The following NFX1 variants were observed in gnomAD, a reference collection of about 807,000 sequenced individuals.
The protein encoded by NFX1 is nuclear transcription factor, X-box binding 1.
NFX1 carries 69 observed loss-of-function variants against 137.2 expected under a neutral mutation model. The ratio of observed to expected loss-of-function variants is 0.50; its 90% CI spans 0.41 to 0.61. The LOEUF (loss-of-function observed/expected upper bound fraction) is 0.61, where lower values mean the gene tolerates loss of function less well. NFX1 is among the 20% of genes least tolerant of loss of function. The probability of loss-of-function intolerance (pLI) is 0.00; values close to 1 mark genes in which losing one functional copy is unlikely to be tolerated. For missense variants in NFX1, 1,167 were observed against 1,391.0 expected, an observed-to-expected ratio of 0.84 and a Z score of 2.56; for synonymous variants, 495 against 474.1, an observed-to-expected ratio of 1.04 and a Z score of -0.57.
intron 19 of NFX1, among the ~76,000 whole-genome samples, chr9:33,358,404 A>G (rs1206532595): frequency 1.3e-5 from 2 of 152,200 alleles, no homozygotes; most frequent in East Asian, 1.9e-4. Context: ...GATTACAGGC[A>G]TGAGCCACTG....
chr9:33,318,208 G>A (rs1323588935), intron 7 of NFX1, among the ~76,000 whole-genome samples: 1 of 151,784 alleles, frequency 6.6e-6, no homozygotes, highest in African/African-American at 2.4e-5. Context: ...TTGGCAACGG[G>A]GACCTTTTTA....
At position 33,295,086 on chromosome 9, in the gene NFX1, A is replaced by G. The variant is rs777376611; in HGVS notation, c.692A>G (p.Tyr231Cys). 4 of 1,614,174 alleles carry G rather than the reference A, an allele frequency of 2.5e-6. No individual in the cohort carries two copies. Among genetic ancestry groups the G allele is most frequent in the Non-Finnish European group, 3.4e-6 (4 of 1,180,024 alleles). ...TCTAGAAAAGGAGTATTGGATGGGTATGGAGCCAGACGAAATGAGCAGAGA... is the reference window on the plus strand; with the variant it reads ...TCTAGAAAAGGAGTATTGGATGGGTGTGGAGCCAGACGAAATGAGCAGAGA... ...ASSRKGVLDG[Y>C]GARRNEQRRY... The change falls in exon 2 of 24, where the codon TAT becomes TGT. Residue 231 changes from tyrosine (Y) to cysteine (C), a missense_variant. By Grantham distance (194) the Tyr-to-Cys change is radical (BLOSUM62 -2). Transcript: ENST00000379540.
At chr9:33,307,042 C>G in intron 4 of NFX1, 152 bp from the exon 5 acceptor site, 1 of 508,056 alleles carries the variant, frequency 2.0e-6, no homozygotes, top group East Asian at 3.2e-5. Flanking sequence ...TTATATTTAT[C>G]TTTTTATTTT....
At position 33,328,640 on chromosome 9, in the gene NFX1, A is replaced by C; in HGVS notation, c.1966A>C (p.Thr656Pro). Reference sequence around the variant, plus strand: ...AGGAGACTGTGGACCATGCTCTCGCACATCAGTTATTTCCTGCAGATGCTC... The same window carrying C: ...AGGAGACTGTGGACCATGCTCTCGCCCATCAGTTATTTCCTGCAGATGCTC... ...HEGDCGPCSR[T>P]SVISCRCSFR... is the part of the protein sequence containing the mutation. Residue 656 changes from threonine (T) to proline (P), a missense_variant, in exon 10 of 24, where the codon ACA becomes CCA. Physicochemically the swap from Thr to Pro is conservative, Grantham distance 38 (BLOSUM62 -1). Coordinates refer to ENST00000379540, the MANE Select transcript of NFX1 (RefSeq NM_002504.6). The C allele has an allele frequency of 6.2e-7, 1 of 1,612,420 alleles. No homozygotes were observed. The highest frequency in any genetic ancestry group is 8.5e-7 in the Non-Finnish European group (1 of 1,178,614).
intron 11 of NFX1, among the ~76,000 whole-genome samples, chr9:33,333,668 C>T (rs1822894468): frequency 6.6e-6 from 1 of 152,214 alleles, no homozygotes; most frequent in African/African-American, 2.4e-5. Flanking sequence ...AGGTACACAA[C>T]ATCCACCCCT....
chr9:33,354,174 G>A lies in NFX1; in HGVS notation c.2818G>A (p.Val940Ile). ...CAGCAAGTTAATTACCAAAAAGGAA[G>A]TTCATCAAGCCAGGTAATTTTTAAA... is the stretch of plus-strand genomic sequence containing the variant. ...EISKLITKKE[V>I]HQARLECDEE... is the part of the protein sequence containing the mutation. The change falls in exon 18 of 24, where the codon GTT (valine) becomes ATT (isoleucine). Residue 940 changes from valine (V) to isoleucine (I), a missense_variant. Around this residue, in one of 3 missense-constraint regions of NFX1, gnomAD observed 312 missense variants for 312.8 expected, o/e 1.00. Coordinates refer to ENST00000379540, the MANE Select transcript of NFX1 (RefSeq NM_002504.6). 7 of 1,612,552 alleles carry A rather than the reference G, an allele frequency of 4.3e-6. No individual in the cohort carries two copies. The highest frequency in any genetic ancestry group is 5.9e-6 in the Non-Finnish European group (7 of 1,179,506).
intron 18 of NFX1, among the ~76,000 whole-genome samples, 186 bp downstream of exon 18, chr9:33,354,373 A>C (rs1226763477): frequency 6.6e-6 from 1 of 152,242 alleles, no homozygotes; most frequent in Non-Finnish European, 1.5e-5. Context: ...GATGGCTAAG[A>C]CTAAAGGAGA....
chr9:33,367,972 G>A (rs569145311), intron 23 of NFX1, among the ~76,000 whole-genome samples: 64 of 152,300 alleles, frequency 4.2e-4, no homozygotes, highest in African/African-American at 1.4e-3. Context: ...GGTGGCTCAC[G>A]CCTGTAATCC....
chr9:33,323,895 TTAAA>T (rs1822480436), intron 9 of NFX1, among the ~76,000 whole-genome samples: 1 of 152,110 alleles, frequency 6.6e-6, no homozygotes, highest in African/African-American at 2.4e-5. Context: ...GAAACTAGTT[TTAAA>T]AGAGGCCCAA....
Position 33,370,270 on chromosome 9 carries a change from T to A in NFX1, c.*292T>A, listed in dbSNP as rs550188421. The A allele has an allele frequency of 2.7e-4, 69 of 255,890 alleles. No individual in the cohort carries two copies. The highest frequency in any genetic ancestry group is 4.4e-4 in the Non-Finnish European group (60 of 136,870). The allele number at this position is 255,890 out of a possible 1,614,324, so 15.9% of individuals were successfully genotyped here. A position where few individuals can be genotyped will look rare whatever the true frequency, so the allele number is the denominator to read the frequency against. On this transcript the variant is annotated 3_prime_UTR_variant, in exon 24 of 24. Coordinates refer to ENST00000379540, the MANE Select transcript of NFX1 (RefSeq NM_002504.6). Reference sequence around the variant, plus strand: ...GATTGCTCTGAGAGTTGAGGGACTATTGGGCTTTATTTGGACAAACCAAAC... The same window carrying A: ...GATTGCTCTGAGAGTTGAGGGACTAATGGGCTTTATTTGGACAAACCAAAC...
At chr9:33,352,976 C>T in intron 17 of NFX1, 1 of 359,744 alleles carries the variant, frequency 2.8e-6, no homozygotes, top group Non-Finnish European at 5.1e-6. Flanking sequence ...CCCTGTTTCC[C>T]AGGCTGGTCT....
chr9:33,367,440 C>T (rs1824200259), intron 22 of NFX1, 75 bp from the exon 23 acceptor site: 3 of 1,488,986 alleles, frequency 2.0e-6, no homozygotes, highest in African/African-American at 2.8e-5. Context: ...AAATCAAGGG[C>T]TGAGTTTCTA....
chr9:33,328,432 A>T, intron 9 of NFX1, 149 bp from the exon 10 acceptor site: 1 of 597,666 alleles, frequency 1.7e-6, no homozygotes, highest in Non-Finnish European at 3.0e-6. Context: ...AAGGGAAGAT[A>T]GGGAAGAAGC....
At chr9:33,369,716 C>G (rs936875130) in intron 23 of NFX1, among the ~76,000 whole-genome samples, 190 bp from the exon 24 acceptor site, 8 of 151,998 alleles carry the variant, frequency 5.3e-5, no homozygotes, top group African/African-American at 1.9e-4. Flanking sequence ...ATATGTAAAT[C>G]TAGAAGGAAA....
chr9:33,322,087 G>A (rs761569890), intron 9 of NFX1, among the ~76,000 whole-genome samples: 32 of 151,578 alleles, frequency 2.1e-4, no homozygotes, highest in Non-Finnish European at 4.0e-4. Flanking sequence ...TGCAATCCCA[G>A]CTACTCGGGA....
At chr9:33,310,232 C>T (rs900844837) in intron 5 of NFX1, among the ~76,000 whole-genome samples, 3 of 152,098 alleles carry the variant, frequency 2.0e-5, no homozygotes, top group Non-Finnish European at 4.4e-5. Context: ...AATTCTGTTA[C>T]CCATCTGATT....
rs752836665 is a variant in NFX1 at position 33,351,718 on chromosome 9, T to C, written c.2583T>C (p.Ala861=). ...AGCAGCCCTGCACCACCCCCAGAGC[T>C]GACTGTGGTCACCCGTGTATGGCAC... ...PCKQPCTTPR[A]DCGHPCMAPC... is the part of the protein sequence containing the mutation. Residue 861 remains alanine (A), a synonymous_variant, in exon 16 of 24, where the codon GCT becomes GCC. Coordinates refer to ENST00000379540, the MANE Select transcript of NFX1 (RefSeq NM_002504.6). The C allele has an allele frequency of 6.2e-6, 10 of 1,613,788 alleles. No homozygotes were observed. Among genetic ancestry groups the C allele is most frequent in the Non-Finnish European group, 7.6e-6 (9 of 1,179,840 alleles).
chr9:33,330,981 A>G (rs1282491592), intron 10 of NFX1, among the ~76,000 whole-genome samples: 1 of 152,134 alleles, frequency 6.6e-6, no homozygotes, highest in Non-Finnish European at 1.5e-5. Flanking sequence ...GATTGAGACC[A>G]TGGTGAAACC....
intron 13 of NFX1, 27 bp downstream of exon 13, chr9:33,342,881 TA>T: frequency 6.8e-7 from 1 of 1,466,154 alleles, no homozygotes; most frequent in South Asian, 1.2e-5. Context: ...TATAGTTTAT[TA>T]GAAGAGTTTT....
Sources: gnomAD v4.1 joint callset for allele counts (sites outside exome capture counted in the v4.1 genomes callset) on GRCh38, gnomAD v4.1.1 for gene constraint, gnomAD v4.1.1 regional missense constraint, MANE v1.5 for transcripts, NCBI Gene and HGNC (gene_info 2026-07-23, HGNC 2026-07-21) for gene names.